The following ENTHD1 variants were observed in gnomAD, a reference collection of about 807,000 sequenced individuals.
ENTHD1 encodes the protein ENTH domain containing 1.
A neutral mutation model predicts 39.1 loss-of-function variants in ENTHD1; 23 were observed. The ratio of observed to expected loss-of-function variants is 0.59; its 90% confidence interval spans 0.42 to 0.83. The LOEUF is 0.83. ENTHD1 is among the 40% of genes least tolerant of loss of function. The pLI is 0.00. For synonymous variants in ENTHD1, 230 were observed against 258.2 expected (o/e 0.89, Z 1.05); for missense variants, 624 against 705.4 (o/e 0.88, Z 1.31).
rs74676398 is a variant in ENTHD1, at chr22:39,778,165, G to C, written c.833-12556C>G. ...CAAACTCTATTTAGTCATGGTTATTGGTATCATGAAACAGTCTGAAGAAGT... is the reference window on the plus strand; with the variant it reads ...CAAACTCTATTTAGTCATGGTTATTCGTATCATGAAACAGTCTGAAGAAGT... On this transcript the variant is annotated intron_variant, in intron 5 of 6. Coordinates refer to ENST00000325157, the MANE Select transcript of ENTHD1 (RefSeq NM_152512.4). Among the ~76,000 whole-genome samples, 472 of 152,276 alleles carry C rather than the reference G, an allele frequency of 3.1e-3. 4 individuals carry two copies. The highest frequency in any genetic ancestry group is 0.025 in the East Asian group (130 of 5,188).
chr22:39,745,658 C>G (rs535682202), intron 6 of ENTHD1, among the ~76,000 whole-genome samples: 1 of 152,246 alleles, frequency 6.6e-6, no homozygotes, highest in Admixed American at 6.5e-5. Context: ...TCAGGCTAAT[C>G]GAGACAGACT....
intron 5 of ENTHD1, among the ~76,000 whole-genome samples, chr22:39,798,599 A>G (rs1159687793): frequency 6.6e-6 from 1 of 152,170 alleles, no homozygotes; most frequent in Non-Finnish European, 1.5e-5. Context: ...AGGAGTGTCA[A>G]GTCAGCCAGT....
chr22:39,863,653 C>T (rs2066161796), intron 2 of ENTHD1, among the ~76,000 whole-genome samples: 2 of 152,218 alleles, frequency 1.3e-5, no homozygotes, highest in Admixed American at 1.3e-4. Flanking sequence ...AACTCACAAA[C>T]ATGGCTTCCC....
At chr22:39,853,596 T>TA (rs1308721752) in intron 3 of ENTHD1, among the ~76,000 whole-genome samples, 2 of 152,138 alleles carry the variant, frequency 1.3e-5, no homozygotes, top group Non-Finnish European at 2.9e-5. Flanking sequence ...TTTTTTGAGA[T>TA]AGAGTCTTGC....
At chr22:39,879,922 C>A (rs185343164) in intron 2 of ENTHD1, among the ~76,000 whole-genome samples, 38 of 152,302 alleles carry the variant, frequency 2.5e-4, no homozygotes, top group Middle Eastern at 3.4e-3. Flanking sequence ...CAATGGGCTA[C>A]TATTAAGTGC....
At chr22:39,860,613 C>A (rs1394584285) in intron 3 of ENTHD1, among the ~76,000 whole-genome samples, 1 of 152,184 alleles carries the variant, frequency 6.6e-6, no homozygotes, top group Non-Finnish European at 1.5e-5. Context: ...CAGAAAAGTA[C>A]CTGAATGATT....
intron 5 of ENTHD1, among the ~76,000 whole-genome samples, chr22:39,787,535 A>G (rs560318507): frequency 1.2e-4 from 19 of 152,318 alleles, no homozygotes; most frequent in Admixed American, 6.5e-4. Flanking sequence ...TACTCTAGAA[A>G]ACACAAGAAT....
At chr22:39,752,085 C>A (rs1292215920) in intron 6 of ENTHD1, among the ~76,000 whole-genome samples, 1 of 151,772 alleles carries the variant, frequency 6.6e-6, no homozygotes, top group African/African-American at 2.4e-5. Flanking sequence ...AGAAGATAGA[C>A]AGATCTCTAT....
intron 5 of ENTHD1, among the ~76,000 whole-genome samples, chr22:39,804,932 G>A (rs1048891877): frequency 1.3e-5 from 2 of 152,142 alleles, no homozygotes; most frequent in East Asian, 3.9e-4. Flanking sequence ...AGCCCAGACT[G>A]AGAATCCTGA....
At chr22:39,843,664 G>A (rs1160069981) in intron 3 of ENTHD1, among the ~76,000 whole-genome samples, 5 of 151,762 alleles carry the variant, frequency 3.3e-5, no homozygotes, top group South Asian at 2.1e-4. Flanking sequence ...AGGAAGGATC[G>A]GGTCAAGCAA....
chr22:39,874,854 T>C (rs963703752), intron 2 of ENTHD1, among the ~76,000 whole-genome samples: 5 of 152,098 alleles, frequency 3.3e-5, no homozygotes, highest in Non-Finnish European at 7.4e-5. Context: ...AAATTGAAAA[T>C]AATAACATTC....
intron 2 of ENTHD1, among the ~76,000 whole-genome samples, chr22:39,885,301 A>G (rs1120558): frequency 0.011 from 1,617 of 152,322 alleles, 25 homozygotes; most frequent in Admixed American, 0.028. Context: ...TGAGATACCA[A>G]TTCACAACCA....
At chr22:39,836,009 T>C in intron 3 of ENTHD1, 51 bp from the exon 4 acceptor site, 1 of 1,368,814 alleles carries the variant, frequency 7.3e-7, no homozygotes, top group Non-Finnish European at 1.0e-6. Flanking sequence ...CACAGTTATG[T>C]TTTTATATTA....
chr22:39,889,079 A>T (rs1406830135), intron 1 of ENTHD1, among the ~76,000 whole-genome samples: 2 of 152,222 alleles, frequency 1.3e-5, no homozygotes, highest in Non-Finnish European at 2.9e-5. Context: ...CAGCTAATTC[A>T]TGGTACCCTA....
intron 4 of ENTHD1, among the ~76,000 whole-genome samples, chr22:39,835,444 C>T (rs1293463471): frequency 3.3e-5 from 5 of 151,964 alleles, no homozygotes; most frequent in African/African-American, 1.2e-4. Flanking sequence ...GACCTCAACA[C>T]TTAGAAGAAA....
chr22:39,797,856 T>A (rs2065563530), intron 5 of ENTHD1, among the ~76,000 whole-genome samples: 1 of 152,148 alleles, frequency 6.6e-6, no homozygotes, highest in African/African-American at 2.4e-5. Context: ...TTGCTCTTGT[T>A]TTTAGAATTC....
intron 4 of ENTHD1, among the ~76,000 whole-genome samples, chr22:39,822,803 T>A (rs963965168): frequency 6.6e-6 from 1 of 152,176 alleles, no homozygotes; most frequent in Admixed American, 6.5e-5. Context: ...TGCCAAACCA[T>A]TTTCCAAAGT....
intron 6 of ENTHD1, among the ~76,000 whole-genome samples, chr22:39,759,046 T>G (rs1340753608): frequency 1.3e-5 from 2 of 152,172 alleles, no homozygotes; most frequent in African/African-American, 4.8e-5. Flanking sequence ...TTGTGTAAAT[T>G]TTTGAGGAAT....
chr22:39,779,323 A>G (rs1001815374), intron 5 of ENTHD1, among the ~76,000 whole-genome samples: 32 of 152,228 alleles, frequency 2.1e-4, no homozygotes, highest in Admixed American at 5.9e-4. Context: ...CCTGGGCGAC[A>G]GAGCAAGACT....
Sources: allele counts gnomAD v4.1 joint callset (sites outside exome capture counted in the v4.1 genomes callset), GRCh38; gene constraint gnomAD v4.1.1; transcripts MANE v1.5; gene names NCBI Gene and HGNC (gene_info 2026-07-23, HGNC 2026-07-21).